Variants in PRKD2 observed in about 807,000 individuals in gnomAD.
PRKD2 encodes protein kinase D2.
A neutral mutation model predicts 86.0 loss-of-function variants in PRKD2; 22 were observed. That is an observed-to-expected ratio of 0.26 (90% CI 0.18 to 0.37). The LOEUF (loss-of-function observed/expected upper bound fraction) is 0.37, where lower values mean the gene tolerates loss of function less well. Ranked by LOEUF, PRKD2 falls within the 10% of genes least tolerant of loss-of-function variation. The probability of loss-of-function intolerance (pLI) is 1.00; values close to 1 mark genes in which losing one functional copy is unlikely to be tolerated. For synonymous variants in PRKD2, 509 were observed against 510.9 expected, an observed-to-expected ratio of 1.00 and a Z score of 0.05; for missense variants, 818 against 1,199.2, an observed-to-expected ratio of 0.68 and a Z score of 4.70.
chr19:46,704,307 T>C lies in PRKD2; in HGVS notation c.751A>G (p.Ile251Val), dbSNP rs770391326. Reference protein sequence around the residue: ...SSASSYTGRPIELDKMLLSKV... With the variant: ...SSASSYTGRPVELDKMLLSKV... ...GAGAGCAGCATCTTGTCCAGCTCAA[T>C]GGGGCGGCCCGTATACGATGAGGCA... The change falls in exon 5 of 18, where the codon ATT becomes GTT. Residue 251 changes from isoleucine (I) to valine (V), a missense_variant. Around this residue, in one of 5 missense-constraint regions of PRKD2, gnomAD observed 403 missense variants for 518.6 expected, o/e 0.78. Coordinates refer to ENST00000291281, the MANE Select transcript of PRKD2 (RefSeq NM_016457.5). 3.7e-6 allele frequency: 6 copies of C among 1,614,098 alleles called. 1 individual carries two copies. Among genetic ancestry groups the C allele is most frequent in the South Asian group, 3.3e-5 (3 of 91,086 alleles).
Position 46,678,589 on chromosome 19 carries a change from C to T in PRKD2, c.2145G>A (p.Pro715=), listed in dbSNP as rs1006660174. 6.8e-6 allele frequency: 11 copies of T among 1,613,720 alleles called. No individual in the cohort carries two copies. The highest frequency in any genetic ancestry group is 2.2e-5 in the East Asian group (1 of 44,890). The part of the protein sequence containing the change: ...KSFRRSVVGT[P]AYLAPEVLLN... Reference sequence around the variant, plus strand: ...GCAGCACCTCGGGTGCCAGGTAGGCCGGCGTGCCCACCACTGAGCGGCGGA... The same window carrying T: ...GCAGCACCTCGGGTGCCAGGTAGGCTGGCGTGCCCACCACTGAGCGGCGGA... The change falls in exon 16 of 18, where the codon CCG becomes CCA. Residue 715 remains proline (P), a synonymous_variant. Coordinates refer to ENST00000291281, the MANE Select transcript of PRKD2 (RefSeq NM_016457.5). The surrounding 1 kb of genome is among the most constrained non-coding windows in gnomAD (Gnocchi z 5.7).
At chr19:46,697,052 T>C in intron 9 of PRKD2, 105 bp downstream of exon 9, 1 of 932,694 alleles carries the variant, frequency 1.1e-6, no homozygotes, top group East Asian at 2.4e-5. Flanking sequence ...GGGCAGAGGG[T>C]GTGATTTGCA....
At chr19:46,701,813 C>G (rs1277648431) in intron 5 of PRKD2, among the ~76,000 whole-genome samples, 1 of 151,886 alleles carries the variant, frequency 6.6e-6, no homozygotes, top group Non-Finnish European at 1.5e-5. Context: ...GGATGTTTAG[C>G]TGCATCTCTG....
chr19:46,692,007 A>G, intron 10 of PRKD2, 22 bp from the exon 11 acceptor site: 1 of 1,609,436 alleles, frequency 6.2e-7, no homozygotes, highest in East Asian at 2.2e-5. Flanking sequence ...GGAGAGACAG[A>G]GGTGAGGGGA....
chr19:46,688,513 T>C (rs2053434409), intron 14 of PRKD2, among the ~76,000 whole-genome samples: 1 of 151,552 alleles, frequency 6.6e-6, no homozygotes, highest in Admixed American at 6.6e-5. Flanking sequence ...CTCAGCTCAC[T>C]GTAACCTCTG....
chr19:46,681,507 C>T, intron 15 of PRKD2, 143 bp downstream of exon 15: 1 of 616,866 alleles, frequency 1.6e-6, no homozygotes. Context: ...ATCCTCCTGC[C>T]TCAGCCTCTC....
intron 16 of PRKD2, 50 bp from the exon 17 acceptor site, chr19:46,675,168 C>G (rs369262651): frequency 2.7e-6 from 4 of 1,509,180 alleles, no homozygotes; most frequent in Non-Finnish European, 3.6e-6. Flanking sequence ...AGGGTCACTC[C>G]TCCTCCAATA....
intron 13 of PRKD2, 56 bp from the exon 14 acceptor site, chr19:46,689,754 C>T (rs546128514): frequency 3.1e-5 from 49 of 1,597,146 alleles, no homozygotes; most frequent in Middle Eastern, 1.7e-4. Flanking sequence ...CAGACCCCAA[C>T]GGGTCAGGTA....
chr19:46,680,347 GTGTGAT>G (rs1268028007), intron 15 of PRKD2, among the ~76,000 whole-genome samples: 1 of 152,012 alleles, frequency 6.6e-6, no homozygotes, highest in Non-Finnish European at 1.5e-5. Context: ...GAGTGCAGTG[GTGTGAT>G]CTCGGCTCAC....
chr19:46,691,784 G>A lies in PRKD2; in HGVS notation c.1653C>T (p.Ile551=), dbSNP rs144894405. 530 of 1,613,810 alleles carry A rather than the reference G, an allele frequency of 3.3e-4. 3 individuals are homozygous for A. The South Asian group carries it at 4.5e-3, about 14-fold the overall frequency. ...ENVDIATVYQ[I]FPDEVLGSGQ... ...CTGAGCCCAGCACTTCGTCAGGGAA[G>A]ATCTGGTAGACAGTGGCAATGTCCT... is the stretch of plus-strand genomic sequence containing the variant. Residue 551 remains isoleucine (I), a synonymous_variant, in exon 12 of 18, where the codon ATC becomes ATT. Coordinates refer to ENST00000291281, the MANE Select transcript of PRKD2 (RefSeq NM_016457.5).
intron 1 of PRKD2, 114 bp from the exon 2 acceptor site, chr19:46,714,115 C>T (rs1012162213): frequency 2.8e-6 from 4 of 1,441,040 alleles, no homozygotes; most frequent in Non-Finnish European, 3.7e-6. Context: ...AACGCAGAGA[C>T]CCCGCAGGCC....
In PRKD2 at chr19:46,708,172, CTG is replaced by C. The variant is rs530688579; in HGVS notation, c.511+2733_511+2734del. ...ATGGGTGCTGTTATGGACTAAATGT[CTG>C]TGTCTCCCCCAAAATTCTTATGTTG... On this transcript the variant is annotated intron_variant, in intron 3 of 17. Transcript: ENST00000291281. 2.7e-3 allele frequency among the ~76,000 whole-genome samples: 413 copies of C among 152,196 alleles called. 5 individuals are homozygous for C. The highest frequency in any genetic ancestry group is 9.3e-3 in the African/African-American group (387 of 41,526).
At chr19:46,704,113 T>A (rs143982718) in intron 5 of PRKD2, 56 bp downstream of exon 5, 30 of 1,604,906 alleles carry the variant, frequency 1.9e-5, no homozygotes, top group Non-Finnish European at 2.6e-5. Flanking sequence ...CAAGACCAGG[T>A]TGGGGCGGGA....
chr19:46,711,103 G>A lies in PRKD2; in HGVS notation c.380-65C>T. 4.6e-6 allele frequency: 7 copies of A among 1,510,668 alleles called. No individual in the cohort carries two copies. In the South Asian group the frequency reaches 4.9e-5, roughly 11 times the overall value. 93.6% of individuals were successfully genotyped at this position (1,510,668 alleles called of 1,614,324 possible). On this transcript the variant is annotated intron_variant, in intron 2 of 17. Coordinates refer to ENST00000291281, the MANE Select transcript of PRKD2 (RefSeq NM_016457.5). ...AGGCCAAAGCTTTTCCAGACCCCAC[G>A]TTCCCTGATTTCTCACAGTGCTCCC... is the stretch of plus-strand genomic sequence containing the variant.
chr19:46,692,762 A>G (rs1402143892), intron 10 of PRKD2, among the ~76,000 whole-genome samples: 3 of 152,080 alleles, frequency 2.0e-5, no homozygotes, highest in South Asian at 4.1e-4. Flanking sequence ...CTCGGCCTCA[A>G]ATACAGCAAA....
rs768631871 is a variant in PRKD2, at chr19:46,711,032, G to A, written c.386C>T (p.Ala129Val). The A allele has an allele frequency of 2.7e-5, 42 of 1,581,370 alleles. No homozygotes were observed. The highest frequency in any genetic ancestry group is 1.7e-4 in the Middle Eastern group (1 of 6,050). ...DLVEVVLSAS[A>V]TFEDFQIRPH... ...GCGGATCTGGAAGTCCTCGAAGGTG[G>A]CCGAGGCTGTAGGCGGAAAATAGGG... is the stretch of plus-strand genomic sequence containing the variant. Residue 129 changes from alanine to valine, a missense_variant, in exon 3 of 18, where the codon GCC becomes GTC. Physicochemically the swap from Ala to Val is moderately conservative, Grantham distance 64. This residue lies in a region of PRKD2 where 403 missense variants were observed against 518.6 expected (regional missense o/e 0.78). Transcript: ENST00000291281.
intron 3 of PRKD2, among the ~76,000 whole-genome samples, chr19:46,705,774 G>A (rs1423949893): frequency 3.0e-5 from 4 of 134,928 alleles, no homozygotes; most frequent in Non-Finnish European, 6.4e-5. Flanking sequence ...GCAATACAGC[G>A]AGACTCAGTT....
intron 14 of PRKD2, among the ~76,000 whole-genome samples, chr19:46,687,196 C>T (rs1002108673): frequency 6.6e-6 from 1 of 151,982 alleles, no homozygotes; most frequent in African/African-American, 2.4e-5. Flanking sequence ...AGTTGAAGAC[C>T]AGCCTGGGCA....
In PRKD2 at chr19:46,674,601, C is replaced by T. The variant is rs1220900008; in HGVS notation, c.2559G>A (p.Thr853=). ...EHPLPGSGLP[T]DRDLGGACPP... is the part of the protein sequence containing the mutation. Reference sequence around the variant, plus strand: ...GACAGGCCCCACCGAGATCCCTGTCCGTGGGCAGCCCAGACCCAGGCAGCG... The same window carrying T: ...GACAGGCCCCACCGAGATCCCTGTCTGTGGGCAGCCCAGACCCAGGCAGCG... Residue 853 remains threonine (T), a synonymous_variant, in exon 18 of 18, where the codon ACG becomes ACA. Transcript: ENST00000291281. 7 of 1,610,482 alleles carry T rather than the reference C, an allele frequency of 4.3e-6. 1 individual carries two copies. The highest frequency in any genetic ancestry group is 2.2e-5 in the South Asian group (2 of 91,048).
Sources: allele counts gnomAD v4.1 joint callset (sites outside exome capture counted in the v4.1 genomes callset), GRCh38; gene constraint gnomAD v4.1.1; regional missense constraint gnomAD v4.1.1; non-coding constraint Gnocchi (gnomAD v3.1); transcripts MANE v1.5; gene names NCBI Gene and HGNC (gene_info 2026-07-23, HGNC 2026-07-21).